Variants in PLXND1 observed in about 807,000 individuals in gnomAD.
PLXND1 encodes plexin-D1.
A neutral mutation model predicts 197.7 loss-of-function variants in PLXND1; 54 were observed. The observed-to-expected ratio is 0.27, with a 90% CI of 0.22 to 0.34. The LOEUF (loss-of-function observed/expected upper bound fraction) is 0.34, where lower values mean the gene tolerates loss of function less well. Among genes scored for constraint, PLXND1 ranks in the 10% least tolerant of loss-of-function variants. The pLI is 1.00. For synonymous variants in PLXND1, 1,180 were observed against 1,161.2 expected (o/e 1.02, Z -0.33); for missense variants, 2,127 against 2,699.2 (o/e 0.79, Z 4.70).
chr3:129,602,607 A>C (rs995498569), intron 1 of PLXND1, among the ~76,000 whole-genome samples: 5 of 152,202 alleles, frequency 3.3e-5, no homozygotes, highest in African/African-American at 1.2e-4. Context: ...CTGGGCTCAC[A>C]ATAGGGACTT....
rs139388919 is a variant in PLXND1, at chr3:129,584,483, C to A, written c.1931G>T (p.Arg644Leu). Residue 644 changes from arginine to leucine, a missense_variant, in exon 6 of 36, where the codon CGC becomes CTC. Transcript: ENST00000324093. ...EMACDYGNNIRTVARVPGPAF... is the reference protein window; with the variant it reads ...EMACDYGNNILTVARVPGPAF... ...AGGGCCTGGGACCCGAGCCACAGTG[C>A]GGATGTTGTTCCCATAGTCACAGGC... 2 of 1,614,000 alleles carry A rather than the reference C, an allele frequency of 1.2e-6. No individual in the cohort carries two copies. Among genetic ancestry groups the A allele is most frequent in the East Asian group, 2.2e-5 (1 of 44,890 alleles).
intron 12 of PLXND1, among the ~76,000 whole-genome samples, 164 bp from the exon 13 acceptor site, chr3:129,573,909 T>A (rs994015189): frequency 6.6e-6 from 1 of 152,168 alleles, no homozygotes; most frequent in Admixed American, 6.5e-5. Flanking sequence ...ACTTGGCAGG[T>A]CACTGTGCTG....
intron 23 of PLXND1, among the ~76,000 whole-genome samples, 195 bp downstream of exon 23, chr3:129,566,331 CG>C (rs1385494229): frequency 2.0e-5 from 3 of 151,426 alleles, no homozygotes; most frequent in Admixed American, 1.3e-4. Flanking sequence ...ACCTGGCCTG[CG>C]GGGGCAGCAC....
chr3:129,590,431 CTG>C (rs773345780), intron 1 of PLXND1, among the ~76,000 whole-genome samples: 1 of 152,156 alleles, frequency 6.6e-6, no homozygotes, highest in Non-Finnish European at 1.5e-5. Flanking sequence ...GAGACAATAA[CTG>C]TGCAACTCCG....
chr3:129,595,709 A>AGCTGGACACCATCTGGAAGG (rs1430909740), intron 1 of PLXND1, among the ~76,000 whole-genome samples: 19 of 152,146 alleles, frequency 1.2e-4, no homozygotes, highest in Non-Finnish European at 2.6e-4. Context: ...TATCCAGACC[A>AGCTGGACACCATCTGGAAGG]GCTGGACACC....
At chr3:129,563,357 C>CCAG in intron 25 of PLXND1, 117 bp from the exon 26 acceptor site, 3 of 812,576 alleles carry the variant, frequency 3.7e-6, no homozygotes, top group Non-Finnish European at 5.6e-6. Context: ...CCTTTTGGAT[C>CCAG]CTGGTGTCAA....
In PLXND1 at chr3:129,578,364, T is replaced by C; in HGVS notation, c.2311A>G (p.Ile771Val). Reference protein sequence around the residue: ...APVPTGGSQNILVPLANTAFF... With the variant: ...APVPTGGSQNVLVPLANTAFF... ...GCAGTGTTGGCCAGAGGCACCAGGA[T>C]GTTCTGGGAGCCACCCGTAGGCACG... The change falls in exon 9 of 36, where the codon ATC becomes GTC. Residue 771 changes from isoleucine (I) to valine (V), a missense_variant. Ile to Val is a conservative substitution (Grantham distance 29). Coordinates refer to ENST00000324093, the MANE Select transcript of PLXND1 (RefSeq NM_015103.3). The C allele has an allele frequency of 6.2e-7, 1 of 1,607,244 alleles. No individual in the cohort carries two copies. The highest frequency in any genetic ancestry group is 8.5e-7 in the Non-Finnish European group (1 of 1,177,470).
At chr3:129,570,122 A>G (rs2085202729) in intron 19 of PLXND1, among the ~76,000 whole-genome samples, 165 bp from the exon 20 acceptor site, 1 of 152,170 alleles carries the variant, frequency 6.6e-6, no homozygotes, top group East Asian at 1.9e-4. Context: ...GGACACTGGG[A>G]AGGCTAAATG....
chr3:129,586,840 G>A (rs994893108), intron 2 of PLXND1, 121 bp from the exon 3 acceptor site: 1 of 1,184,844 alleles, frequency 8.4e-7, no homozygotes, highest in African/African-American at 1.5e-5. Flanking sequence ...CCCTTCAGGA[G>A]GGGTGGGAAG....
rs754060746 is a variant in PLXND1 at position 129,586,605 on chromosome 3, G to A, written c.1603C>T (p.Leu535=). The A allele has an allele frequency of 6.4e-7, 1 of 1,571,358 alleles. No individual in the cohort carries two copies. The highest frequency in any genetic ancestry group is 2.3e-5 in the East Asian group (1 of 43,302). Residue 535 remains leucine (L), a synonymous_variant, in exon 3 of 36, where the codon CTG becomes TTG. Transcript: ENST00000324093. ...GGCCTCACCTGGTGGGACGTCATCA[G>A]GTAAAGGTAACCGGAGTCTGCTGGG... The part of the protein sequence containing the change: ...FDPADSGYLY[L]MTSHQMARVK...
intron 5 of PLXND1, among the ~76,000 whole-genome samples, chr3:129,584,805 CCT>C (rs886657658): frequency 2.0e-5 from 3 of 152,050 alleles, no homozygotes; most frequent in African/African-American, 4.8e-5. Context: ...TGATCTGGCC[CCT>C]GTGACCTCTG....
intron 3 of PLXND1, 127 bp downstream of exon 3, chr3:129,586,461 G>T (rs2085462496): frequency 8.2e-7 from 1 of 1,214,066 alleles, no homozygotes. Context: ...GGACAAGGTG[G>T]AGTTAGCAGA....
At chr3:129,567,347 C>T (rs2085155510) in intron 22 of PLXND1, 145 bp downstream of exon 22, 2 of 624,262 alleles carry the variant, frequency 3.2e-6, no homozygotes, top group Admixed American at 2.6e-5. Flanking sequence ...CCGTGGCAGG[C>T]CAGGGCAAGT....
At chr3:129,601,810 G>A (rs906120216) in intron 1 of PLXND1, among the ~76,000 whole-genome samples, 2 of 152,096 alleles carry the variant, frequency 1.3e-5, no homozygotes, top group African/African-American at 4.8e-5. Context: ...AATCTGTCCA[G>A]AGCCCACCTG....
intron 9 of PLXND1, 145 bp from the exon 10 acceptor site, chr3:129,576,000 C>T (rs1255159273): frequency 3.1e-6 from 2 of 640,670 alleles, no homozygotes; most frequent in Non-Finnish European, 5.7e-6. Context: ...GCTGTCCCGT[C>T]CCCCAAAATC....
chr3:129,562,104 A>C (rs2085070579), intron 27 of PLXND1, among the ~76,000 whole-genome samples: 1 of 152,086 alleles, frequency 6.6e-6, no homozygotes. Flanking sequence ...GAGGGTACAA[A>C]GAGAAGGTGC....
Position 129,584,398 on chromosome 3 carries a change from G to C in PLXND1, c.2016C>G (p.Phe672Leu). Reference sequence around the variant, plus strand: ...CAGCGTGCTTACCCTGGTTGGGGGGGAAGGGCGGAAACTGGTCCCTCGGCA... The same window carrying C: ...CAGCGTGCTTACCCTGGTTGGGGGGCAAGGGCGGAAACTGGTCCCTCGGCA... ...NLLPRDQFPP[F>L]PPNQDHVTVE... The change falls in exon 6 of 36, where the codon TTC (phenylalanine) becomes TTG (leucine). Residue 672 changes from phenylalanine (F) to leucine (L), a missense_variant. Physicochemically the swap from Phe to Leu is conservative, Grantham distance 22. Coordinates refer to ENST00000324093, the MANE Select transcript of PLXND1 (RefSeq NM_015103.3). 6.2e-7 allele frequency: 1 copy of C among 1,612,658 alleles called. No homozygotes were observed. Among genetic ancestry groups the C allele is most frequent in the South Asian group, 1.1e-5 (1 of 90,876 alleles).
Position 129,570,801 on chromosome 3 carries a change from C to A in PLXND1, c.3735G>T (p.Gly1245=), listed in dbSNP as rs1438217920. The change falls in exon 19 of 36, where the codon GGG becomes GGT. Residue 1245 remains glycine (G), a synonymous_variant. Transcript: ENST00000324093. ...ATCCACTCACTGTGATGGGCAGCTGCCCCACGGCCGCGCCCAGGGACTCGT... is the reference window on the plus strand; with the variant it reads ...ATCCACTCACTGTGATGGGCAGCTGACCCACGGCCGCGCCCAGGGACTCGT... The part of the protein sequence containing the change: ...SVNESLGAAV[G]QLPITIQVGN... 2.5e-6 allele frequency: 4 copies of A among 1,614,074 alleles called. No homozygotes were observed. The highest frequency in any genetic ancestry group is 2.2e-5 in the East Asian group (1 of 44,886).
chr3:129,559,750 T>G lies in PLXND1; in HGVS notation c.5167A>C (p.Lys1723Gln). The change falls in exon 32 of 36, where the codon AAG becomes CAG. Residue 1723 changes from lysine to glutamine, a missense_variant. Coordinates refer to ENST00000324093, the MANE Select transcript of PLXND1 (RefSeq NM_015103.3). ...TCTTCACGGATACTCAGAATGGCCT[T>G]GAACAGGTCATCCAGAAACTTCTGC... ...TLQKFLDDLF[K>Q]AILSIREDKP... 2 of 1,610,612 alleles carry G rather than the reference T, an allele frequency of 1.2e-6. No individual in the cohort carries two copies. The highest frequency in any genetic ancestry group is 2.2e-5 in the South Asian group (2 of 90,518).
Sources: gnomAD v4.1 joint callset for allele counts (sites outside exome capture counted in the v4.1 genomes callset) on GRCh38, gnomAD v4.1.1 for gene constraint, MANE v1.5 for transcripts, NCBI Gene and HGNC (gene_info 2026-07-23, HGNC 2026-07-21) for gene names.